Variants in CEP290 observed in about 807,000 individuals in gnomAD.
CEP290 encodes the protein centrosomal protein of 290 kDa.
CEP290 carries 317 observed loss-of-function variants against 344.9 expected under a neutral mutation model. The observed-to-expected ratio is 0.92, with a 90% CI of 0.84 to 1.01. CEP290 has a LOEUF of 1.01. Among genes scored for constraint, CEP290 ranks in the 50% least tolerant of loss-of-function variants. The pLI, the probability that CEP290 is intolerant of heterozygous loss-of-function variation, is 0.00. For missense variants in CEP290, 2,754 were observed against 2,761.4 expected (o/e 1.00, Z 0.06); for synonymous variants, 932 against 895.8 (o/e 1.04, Z -0.72).
Position 88,126,425 on chromosome 12 carries a change from G to A in CEP290, c.956C>T (p.Ser319Phe). The A allele has an allele frequency of 6.7e-7, 1 of 1,501,184 alleles. No individual in the cohort carries two copies. The highest frequency in any genetic ancestry group is 8.9e-7 in the Non-Finnish European group (1 of 1,128,790). 93.0% of individuals were successfully genotyped at this position (1,501,184 alleles called of 1,614,324 possible). A position where few individuals can be genotyped will look rare whatever the true frequency, so the allele number is the denominator to read the frequency against. Residue 319 changes from serine (S) to phenylalanine (F), a missense_variant, in exon 12 of 54, where the codon TCT becomes TTT. Ser to Phe is a radical substitution (Grantham distance 155, BLOSUM62 -2). Transcript: ENST00000552810. ...KVEEWKLILS[S>F]KDDEIIEYQQ... The stretch of plus-strand genomic sequence containing the variant: ...ATACTCAATAATTTCATCATCTTTA[G>A]AAGACAAAATTAGCTAGAAATAAAC...
intron 40 of CEP290, among the ~76,000 whole-genome samples, 152 bp downstream of exon 40, chr12:88,077,545 C>T (rs1478876642): frequency 6.6e-6 from 1 of 151,826 alleles, no homozygotes; most frequent in Non-Finnish European, 1.5e-5. Context: ...GAACTATAAA[C>T]ACAATAGAAG....
intron 1 of CEP290, 61 bp from the exon 2 acceptor site, chr12:88,141,395 CACCTT>C (rs2040652921): frequency 5.1e-6 from 4 of 780,016 alleles, no homozygotes; most frequent in Non-Finnish European, 7.8e-6. Flanking sequence ...GGTTTTCTAG[CACCTT>C]ACATTTTTTG....
At chr12:88,140,930 A>T in intron 3 of CEP290, 26 bp downstream of exon 3, 2 of 1,491,196 alleles carry the variant, frequency 1.3e-6, no homozygotes, top group Non-Finnish European at 1.8e-6. Context: ...AGCCAAACCT[A>T]TAGTTAAAAC....
At chr12:88,131,845 T>C (rs2040092865) in intron 6 of CEP290, among the ~76,000 whole-genome samples, 1 of 152,192 alleles carries the variant, frequency 6.6e-6, no homozygotes, top group Non-Finnish European at 1.5e-5. Context: ...CCAACATCTT[T>C]ATTTTACTTT....
At chr12:88,136,811 A>C (rs1303318249) in intron 5 of CEP290, 25 bp from the exon 6 acceptor site, 1 of 1,607,076 alleles carries the variant, frequency 6.2e-7, no homozygotes, top group Admixed American at 1.7e-5. Context: ...CCCAAAGTAT[A>C]AATTAATCCC....
At chr12:88,129,492 T>A (rs1258069420) in intron 10 of CEP290, among the ~76,000 whole-genome samples, 1 of 151,946 alleles carries the variant, frequency 6.6e-6, no homozygotes, top group African/African-American at 2.4e-5. Context: ...ATCATTTATA[T>A]ATCCTAAATT....
chr12:88,093,137 T>C (rs1252937426), intron 28 of CEP290, among the ~76,000 whole-genome samples: 1 of 152,124 alleles, frequency 6.6e-6, no homozygotes, highest in Non-Finnish European at 1.5e-5. Flanking sequence ...TCATTATATT[T>C]TACTTCAATT....
At chr12:88,095,517 C>T (rs767274377) in intron 27 of CEP290, among the ~76,000 whole-genome samples, 5 of 152,234 alleles carry the variant, frequency 3.3e-5, no homozygotes, top group East Asian at 1.9e-4. Flanking sequence ...TAAAATTGTA[C>T]GTAATACTCT....
At position 88,071,831 on chromosome 12, in the gene CEP290, T is replaced by C. The variant is rs2136964084; in HGVS notation, c.5805A>G (p.Glu1935=). The stretch of plus-strand genomic sequence containing the variant: ...TCAACTGCTTTGTTAAAGTAAAGAC[T>C]TCCCCCTCTTTCTCTTTTAACTTGT... ...IRNKLKEKEG[E]VFTLTKQLNT... is the part of the protein sequence containing the mutation. Residue 1935 remains glutamate (E), a synonymous_variant, in exon 42 of 54, where the codon GAA becomes GAG. Transcript: ENST00000552810. 2 of 1,605,098 alleles carry C rather than the reference T, an allele frequency of 1.2e-6. No individual in the cohort carries two copies. Among genetic ancestry groups the C allele is most frequent in the Non-Finnish European group, 1.7e-6 (2 of 1,176,586 alleles).
At chr12:88,130,195 T>C in intron 9 of CEP290, 73 bp downstream of exon 9, 1 of 1,355,182 alleles carries the variant, frequency 7.4e-7, no homozygotes, top group African/African-American at 1.5e-5. Context: ...TAGGGCTAAA[T>C]ATTATATTTA....
chr12:88,071,450 C>G lies in CEP290; in HGVS notation c.5856-1G>C. The G allele has an allele frequency of 6.3e-7, 1 of 1,596,348 alleles. No individual in the cohort carries two copies. Among genetic ancestry groups the G allele is most frequent in the Non-Finnish European group, 8.5e-7 (1 of 1,175,050 alleles). On this transcript the variant is annotated splice_acceptor_variant, in intron 42 of 53. Transcript: ENST00000552810. LOFTEE classifies it high-confidence loss of function. ...CAAAGTAAGTTTCTCTTTATCGGCT[C>G]TGTGGAATTTAATATAGAATCATGA...
Position 88,055,518 on chromosome 12 carries a change from G to C in CEP290, c.6960+58C>G, listed in dbSNP as rs1209871116. 9.1e-6 allele frequency: 13 copies of C among 1,425,644 alleles called. No homozygotes were observed. The East Asian group carries it at 2.7e-4, about 30-fold the overall frequency. 88.3% of individuals were successfully genotyped at this position (1,425,644 alleles called of 1,614,324 possible). ...TTTTATCTATATAAGACAATGCAAG[G>C]AACATCTTGCGATATTATGCATTAT... On this transcript the variant is annotated intron_variant, in intron 50 of 53. Coordinates refer to ENST00000552810, the MANE Select transcript of CEP290 (RefSeq NM_025114.4).
At chr12:88,129,559 C>T (rs531826923) in intron 10 of CEP290, 135 bp downstream of exon 10, 240 of 533,566 alleles carry the variant, frequency 4.5e-4, no homozygotes, top group Non-Finnish European at 7.0e-4. Context: ...AATATACCAA[C>T]ATGACAAGAT....
intron 26 of CEP290, among the ~76,000 whole-genome samples, chr12:88,101,916 T>C (rs2037921266): frequency 1.3e-5 from 2 of 152,192 alleles, no homozygotes; most frequent in African/African-American, 2.4e-5. Flanking sequence ...CTGATTATGA[T>C]TACTTCTAAA....
intron 3 of CEP290, among the ~76,000 whole-genome samples, chr12:88,140,405 C>T (rs182523765): frequency 1.7e-3 from 255 of 152,298 alleles, no homozygotes; most frequent in Non-Finnish European, 2.6e-3. Flanking sequence ...CTTTAAGGCC[C>T]TCAACAACCT....
chr12:88,117,478 T>C (rs1172613260), intron 17 of CEP290, among the ~76,000 whole-genome samples: 1 of 152,204 alleles, frequency 6.6e-6, no homozygotes, highest in East Asian at 1.9e-4. Context: ...ATTGTACTAA[T>C]AAATCATGAA....
intron 23 of CEP290, among the ~76,000 whole-genome samples, chr12:88,108,650 G>A (rs1217526913): frequency 6.6e-6 from 1 of 152,144 alleles, no homozygotes; most frequent in Non-Finnish European, 1.5e-5. Flanking sequence ...GATGAATGAT[G>A]CTAACAACAG....
rs969763835 is a variant in CEP290 at position 88,111,782 on chromosome 12, C to G, written c.2129G>C (p.Gly710Ala). ...CTCCTGTCTTAATTCTTCATTTCTT[C>G]CGGTAAGCTGATCAACTTGGGCTTT... is the stretch of plus-strand genomic sequence containing the variant. ...HLKAQVDQLT[G>A]RNEELRQELR... Residue 710 changes from glycine to alanine, a missense_variant, in exon 21 of 54, where the codon GGA (glycine) becomes GCA (alanine). By Grantham distance (60) the Gly-to-Ala change is moderately conservative. Coordinates refer to ENST00000552810, the MANE Select transcript of CEP290 (RefSeq NM_025114.4). 5.2e-5 allele frequency: 83 copies of G among 1,607,160 alleles called. No homozygotes were observed. Among genetic ancestry groups the G allele is most frequent in the Non-Finnish European group, 6.8e-5 (80 of 1,177,216 alleles).
intron 12 of CEP290, among the ~76,000 whole-genome samples, chr12:88,125,996 T>C (rs2039704544): frequency 6.6e-6 from 1 of 151,994 alleles, no homozygotes; most frequent in Non-Finnish European, 1.5e-5. Context: ...CTTAAAAGAG[T>C]ATAAAATTAT....
Sources: gnomAD v4.1 joint callset for allele counts (sites outside exome capture counted in the v4.1 genomes callset) on GRCh38, gnomAD v4.1.1 for gene constraint, MANE v1.5 for transcripts, NCBI Gene and HGNC (gene_info 2026-07-23, HGNC 2026-07-21) for gene names.